Variants in NUDT4 observed in about 807,000 individuals in gnomAD.
NUDT4 encodes nudix hydrolase 4.
NUDT4 carries 5 observed loss-of-function variants against 23.1 expected under a neutral mutation model. The observed-to-expected ratio is 0.22, with a 90% CI of 0.11 to 0.46. The LOEUF (loss-of-function observed/expected upper bound fraction) is 0.46. NUDT4 is among the 20% of genes least tolerant of loss of function. The pLI is 0.99. For missense variants in NUDT4, 96 were observed against 211.6 expected (o/e 0.45, Z 3.39); for synonymous variants, 50 against 79.0 (o/e 0.63, Z 1.95).
intron 1 of NUDT4, among the ~76,000 whole-genome samples, chr12:93,392,243 TC>T (rs377016882): frequency 0.18 from 21,873 of 118,306 alleles, 2,617 homozygotes; most frequent in African/African-American, 0.35. Flanking sequence ...TTCCTTTGTT[TC>T]CCCCCCCCCC....
rs1265671709 is a variant in NUDT4 at position 93,402,410 on chromosome 12, C to T, written c.*3031C>T. 6.6e-6 allele frequency: 1 copy of T among 152,194 alleles called. No individual in the cohort carries two copies. Among genetic ancestry groups the T allele is most frequent in the Non-Finnish European group, 1.5e-5 (1 of 68,040 alleles). 9.4% of individuals were successfully genotyped at this position (152,194 alleles called of 1,614,324 possible). The stretch of plus-strand genomic sequence containing the variant: ...ACACCCAGCGGAAACGTATACCTTT[C>T]AGTGCATAGTGCATTGTGTGCTTAC... On this transcript the variant is annotated 3_prime_UTR_variant, in exon 5 of 5. Transcript: ENST00000415493.
At chr12:93,385,970 T>TATATATATATATATATATACAC (rs1243696865) in intron 1 of NUDT4, among the ~76,000 whole-genome samples, 3 of 118,610 alleles carry the variant, frequency 2.5e-5, no homozygotes, top group Admixed American at 9.3e-5. Context: ...TATATATATA[T>TATATATATATATATATATACAC]ACATAATTTT....
intron 1 of NUDT4, among the ~76,000 whole-genome samples, chr12:93,385,976 AT>A (rs202241092): frequency 1.0e-4 from 9 of 86,570 alleles, no homozygotes; most frequent in African/African-American, 1.3e-4. Context: ...TATATACATA[AT>A]TTTTTTTTTC....
chr12:93,384,388 T>C (rs1363169151), intron 1 of NUDT4, among the ~76,000 whole-genome samples: 3 of 152,096 alleles, frequency 2.0e-5, no homozygotes. Context: ...AGGATGGTCT[T>C]GATCTCCTGA....
chr12:93,392,252 CCCT>C (rs1876588244), intron 1 of NUDT4, among the ~76,000 whole-genome samples: 1 of 139,212 alleles, frequency 7.2e-6, no homozygotes. Context: ...TTCCCCCCCC[CCCT>C]TTTTTTTTTC....
chr12:93,379,883 A>G (rs56213986), intron 1 of NUDT4, among the ~76,000 whole-genome samples: 2,542 of 152,370 alleles, frequency 0.017, 72 homozygotes, highest in African/African-American at 0.058. Flanking sequence ...AAAAGGGATC[A>G]AGATAGATCA....
At chr12:93,378,984 T>C (rs1267802925) in intron 1 of NUDT4, among the ~76,000 whole-genome samples, 1 of 152,192 alleles carries the variant, frequency 6.6e-6, no homozygotes, top group East Asian at 1.9e-4. Context: ...ATGCCTCATT[T>C]TTAAAACGGC....
intron 1 of NUDT4, among the ~76,000 whole-genome samples, chr12:93,385,354 T>A (rs1367153747): frequency 6.6e-6 from 1 of 152,222 alleles, no homozygotes; most frequent in East Asian, 1.9e-4. Context: ...CTCTGCAACC[T>A]GGTAGAATGA....
intron 3 of NUDT4, among the ~76,000 whole-genome samples, chr12:93,396,111 G>C (rs1246571621): frequency 6.6e-6 from 1 of 152,180 alleles, no homozygotes; most frequent in Non-Finnish European, 1.5e-5. Flanking sequence ...TTAATCCACT[G>C]TAGACTGTTT....
intron 1 of NUDT4, among the ~76,000 whole-genome samples, chr12:93,390,324 A>G (rs1052299908): frequency 6.6e-6 from 1 of 152,188 alleles, no homozygotes; most frequent in Admixed American, 6.5e-5. Flanking sequence ...GTTGCTGTTT[A>G]CTTTTCCAGT....
chr12:93,381,325 T>G (rs530190845), intron 1 of NUDT4, among the ~76,000 whole-genome samples: 3 of 152,316 alleles, frequency 2.0e-5, no homozygotes, highest in Non-Finnish European at 4.4e-5. Context: ...ACCCTCAGTT[T>G]TGGCCGCTGG....
rs1231356391 is a variant in NUDT4, at chr12:93,400,127, GTA to G, written c.*750_*751del. 1 of 118,822 alleles carries G rather than the reference GTA, an allele frequency of 8.4e-6. No individual in the cohort carries two copies. Among genetic ancestry groups the G allele is most frequent in the African/African-American group, 3.5e-5 (1 of 28,788 alleles). 7.4% of individuals were successfully genotyped at this position (118,822 alleles called of 1,614,324 possible). ...GTAGTAAAGACATCTTATGAAAACTGTATTCATGGAATTTGATTTAGCATGCT... is the reference window on the plus strand; with the variant it reads ...GTAGTAAAGACATCTTATGAAAACTGTTCATGGAATTTGATTTAGCATGCT... On this transcript the variant is annotated 3_prime_UTR_variant, in exon 5 of 5. Transcript: ENST00000415493.
At chr12:93,392,047 C>T (rs572059202) in intron 1 of NUDT4, among the ~76,000 whole-genome samples, 1 of 152,002 alleles carries the variant, frequency 6.6e-6, no homozygotes, top group Non-Finnish European at 1.5e-5. Context: ...CCACACCCAG[C>T]TAATTTTTGT....
chr12:93,384,288 C>T (rs1178652062), intron 1 of NUDT4, among the ~76,000 whole-genome samples: 1 of 152,142 alleles, frequency 6.6e-6, no homozygotes, highest in Non-Finnish European at 1.5e-5. Context: ...CTGCCTCAGC[C>T]TCCCGAGTAG....
In NUDT4 at chr12:93,406,282, A is replaced by G. The variant is rs1462812602; in HGVS notation, c.*6903A>G. On this transcript the variant is annotated 3_prime_UTR_variant, in exon 5 of 5. Coordinates refer to ENST00000415493, the MANE Select transcript of NUDT4 (RefSeq NM_019094.6). ...GAAAGTGGCTAGAGCAGCCAAAAAAAAAAAAAAAAAAAAAAAAAAAAAAGG... is the reference window on the plus strand; with the variant it reads ...GAAAGTGGCTAGAGCAGCCAAAAAAGAAAAAAAAAAAAAAAAAAAAAAAGG... 8.1e-6 allele frequency: 1 copy of G among 122,932 alleles called. No homozygotes were observed. The highest frequency in any genetic ancestry group is 4.1e-5 in the African/African-American group (1 of 24,452). The allele number at this position is 122,932 out of a possible 1,614,324, so 7.6% of individuals were successfully genotyped here.
At chr12:93,382,715 C>T (rs1373735107) in intron 1 of NUDT4, among the ~76,000 whole-genome samples, 1 of 133,584 alleles carries the variant, frequency 7.5e-6, no homozygotes, top group East Asian at 2.2e-4. Flanking sequence ...CTCGCTCTGT[C>T]CTCCAGGCTG....
intron 3 of NUDT4, among the ~76,000 whole-genome samples, chr12:93,397,235 G>A (rs1384673017): frequency 6.6e-6 from 1 of 152,140 alleles, no homozygotes; most frequent in African/African-American, 2.4e-5. Context: ...ACTGATTTGT[G>A]AGACATAGAA....
intron 1 of NUDT4, among the ~76,000 whole-genome samples, chr12:93,382,617 G>C (rs949141791): frequency 6.7e-6 from 1 of 150,204 alleles, no homozygotes; most frequent in Non-Finnish European, 1.5e-5. Context: ...GTCCTTGAAG[G>C]TATTTCTTTC....
chr12:93,392,254 C>CCT lies in NUDT4; in HGVS notation c.100-2355_100-2354insCT, dbSNP rs1491375744. Among the ~76,000 whole-genome samples, 26 of 104,652 alleles carry CCT rather than the reference C, an allele frequency of 2.5e-4. No individual in the cohort carries two copies. The South Asian group carries it at 2.7e-3, about 11-fold the overall frequency. 68.7% of individuals were successfully genotyped at this position (104,652 alleles called of 152,430 possible). Reference sequence around the variant, plus strand: ...AATATTCCTTTGTTTCCCCCCCCCCCTTTTTTTTTTCCTTTTTTTGAGACA... The same window carrying CCT: ...AATATTCCTTTGTTTCCCCCCCCCCCCTTTTTTTTTTTCCTTTTTTTGAGACA... On this transcript the variant is annotated intron_variant, in intron 1 of 4. Coordinates refer to ENST00000415493, the MANE Select transcript of NUDT4 (RefSeq NM_019094.6).
Sources: gnomAD v4.1 joint callset for allele counts (sites outside exome capture counted in the v4.1 genomes callset) on GRCh38, gnomAD v4.1.1 for gene constraint, MANE v1.5 for transcripts, NCBI Gene and HGNC (gene_info 2026-07-23, HGNC 2026-07-21) for gene names.